The following CNKSR2 variants were observed in gnomAD, a reference collection of about 807,000 sequenced individuals.
CNKSR2 encodes connector enhancer of kinase suppressor of Ras 2.
CNKSR2 carries 14 observed loss-of-function variants against 84.4 expected under a neutral mutation model. The observed-to-expected ratio is 0.17, with a 90% CI of 0.11 to 0.26. The LOEUF (loss-of-function observed/expected upper bound fraction) is 0.26, where lower values mean the gene tolerates loss of function less well. CNKSR2 is among the 10% of genes least tolerant of loss of function. CNKSR2 has a pLI of 1.00. For synonymous variants in CNKSR2, 275 were observed against 277.9 expected (o/e 0.99, Z 0.10); for missense variants, 485 against 771.2 (o/e 0.63, Z 4.40).
Position 21,652,392 on chromosome X carries a change from G to C in CNKSR2, c.2976G>C (p.Met992Ile). ...AAGAATTCCAACAATGGAAGCAGATGTACCTCGACCTTTTCTTGGATATCT... is the reference window on the plus strand; with the variant it reads ...AAGAATTCCAACAATGGAAGCAGATCTACCTCGACCTTTTCTTGGATATCT... ...TSKEFQQWKQ[M>I]YLDLFLDICQ... Residue 992 changes from methionine to isoleucine, a missense_variant, in exon 22 of 22, where the codon ATG becomes ATC. Coordinates refer to ENST00000379510, the MANE Select transcript of CNKSR2 (RefSeq NM_014927.5). 2.5e-6 allele frequency: 3 copies of C among 1,209,155 alleles called. No homozygotes were observed. The highest frequency in any genetic ancestry group is 3.4e-6 in the Non-Finnish European group (3 of 893,021).
intron 17 of CNKSR2, among the ~76,000 whole-genome samples, chrX:21,596,090 T>C (rs903425342): frequency 8.9e-6 from 1 of 111,993 alleles, no homozygotes; most frequent in African/African-American, 3.2e-5. Flanking sequence ...ATTACAAATA[T>C]AACTTGCCTA....
At chrX:21,526,767 A>T in intron 9 of CNKSR2, 100 bp from the exon 10 acceptor site, 1 of 772,377 alleles carries the variant, frequency 1.3e-6, no homozygotes, top group Non-Finnish European at 1.9e-6. Flanking sequence ...AGATAATTTT[A>T]AAATGATAAC....
intron 4 of CNKSR2, among the ~76,000 whole-genome samples, chrX:21,442,619 A>G (rs1029237650): frequency 8.9e-6 from 1 of 112,000 alleles, no homozygotes; most frequent in Non-Finnish European, 1.9e-5. Context: ...CCTGTTTTTC[A>G]TGATGATTCC....
intron 5 of CNKSR2, among the ~76,000 whole-genome samples, chrX:21,484,958 C>T (rs1028847147): frequency 1.8e-5 from 2 of 111,224 alleles, no homozygotes; most frequent in African/African-American, 3.3e-5. Flanking sequence ...CCAAGGCAGG[C>T]GAATCATGAG....
At chrX:21,381,285 T>G (rs948135333) in intron 1 of CNKSR2, among the ~76,000 whole-genome samples, 1 of 112,072 alleles carries the variant, frequency 8.9e-6, no homozygotes, top group Non-Finnish European at 1.9e-5. Context: ...ACAGGCTGTT[T>G]AAAGCTGTAT....
At chrX:21,503,151 C>A (rs2091576472) in intron 8 of CNKSR2, 2 of 283,796 alleles carry the variant, frequency 7.0e-6, no homozygotes, top group Non-Finnish European at 1.2e-5. Flanking sequence ...AATATGAAAG[C>A]CTTTGAAAGT....
chrX:21,643,779 C>G (rs967793643), intron 20 of CNKSR2: 1 of 111,317 alleles, frequency 9.0e-6, no homozygotes, highest in Admixed American at 9.6e-5. Context: ...TAAAAGCCAG[C>G]TTTTAAAATC....
chrX:21,399,072 A>T (rs2090155943), intron 1 of CNKSR2, among the ~76,000 whole-genome samples: 1 of 110,398 alleles, frequency 9.1e-6, no homozygotes, highest in Non-Finnish European at 1.9e-5. Context: ...CTGGACTTGG[A>T]ATCTATATGT....
intron 8 of CNKSR2, among the ~76,000 whole-genome samples, chrX:21,508,372 G>A (rs2091636183): frequency 8.9e-6 from 1 of 111,827 alleles, no homozygotes; most frequent in Non-Finnish European, 1.9e-5. Context: ...TTTAAAATAT[G>A]TTACTGCTCT....
intron 11 of CNKSR2, among the ~76,000 whole-genome samples, chrX:21,546,069 T>G (rs1417763948): frequency 3.6e-5 from 4 of 109,992 alleles, no homozygotes; most frequent in Non-Finnish European, 7.6e-5. Flanking sequence ...GGACGGAAAA[T>G]GAGTTTGACA....
intron 10 of CNKSR2, among the ~76,000 whole-genome samples, chrX:21,529,994 G>T (rs1230797446): frequency 9.0e-6 from 1 of 110,528 alleles, no homozygotes; most frequent in Non-Finnish European, 1.9e-5. Context: ...ATAGCTTGAG[G>T]TCTGGTACAT....
At chrX:21,563,791 T>C in intron 13 of CNKSR2, among the ~76,000 whole-genome samples, 1 of 111,812 alleles carries the variant, frequency 8.9e-6, no homozygotes, top group East Asian at 2.8e-4. Context: ...ATAATTTTAA[T>C]ATAGTCATGA....
intron 20 of CNKSR2, among the ~76,000 whole-genome samples, chrX:21,617,083 G>A (rs952342375): frequency 1.8e-5 from 2 of 111,485 alleles, no homozygotes; most frequent in South Asian, 7.6e-4. Context: ...ACTAGCATAG[G>A]TAAGGCAAGT....
chrX:21,613,253 G>T (rs1228563369), intron 20 of CNKSR2, among the ~76,000 whole-genome samples: 2 of 112,072 alleles, frequency 1.8e-5, no homozygotes, highest in Non-Finnish European at 3.8e-5. Context: ...ATACTATTTT[G>T]GTTAATACAG....
At chrX:21,385,567 A>G (rs1028162709) in intron 1 of CNKSR2, among the ~76,000 whole-genome samples, 1 of 112,023 alleles carries the variant, frequency 8.9e-6, no homozygotes, top group African/African-American at 3.2e-5. Flanking sequence ...TATTTTACAG[A>G]TGAAGGAACT....
chrX:21,421,289 T>G (rs2090492640), intron 1 of CNKSR2, among the ~76,000 whole-genome samples: 1 of 95,900 alleles, frequency 1.0e-5, no homozygotes, highest in Non-Finnish European at 2.0e-5. Flanking sequence ...TTAAGATGGT[T>G]TTTTTTTTTT....
intron 8 of CNKSR2, among the ~76,000 whole-genome samples, chrX:21,512,935 G>A (rs777892601): frequency 1.8e-5 from 2 of 111,660 alleles, no homozygotes; most frequent in Non-Finnish European, 3.8e-5. Flanking sequence ...TGTAATCTTG[G>A]CCGAGAAAAC....
At chrX:21,554,202 G>C (rs1326731978) in intron 11 of CNKSR2, among the ~76,000 whole-genome samples, 1 of 111,716 alleles carries the variant, frequency 9.0e-6, no homozygotes, top group Middle Eastern at 4.2e-3. Context: ...TAGAAGTGCC[G>C]CATAATTTTT....
intron 1 of CNKSR2, among the ~76,000 whole-genome samples, chrX:21,419,892 C>T (rs2090471794): frequency 2.7e-5 from 3 of 112,149 alleles, no homozygotes; most frequent in Admixed American, 1.9e-4. Flanking sequence ...TTTAACCCCT[C>T]CCTGGCTACT....
Sources: allele counts gnomAD v4.1 joint callset (sites outside exome capture counted in the v4.1 genomes callset), GRCh38; gene constraint gnomAD v4.1.1; transcripts MANE v1.5; gene names NCBI Gene and HGNC (gene_info 2026-07-23, HGNC 2026-07-21).